Variants in MDM4 observed in about 807,000 individuals in gnomAD.
MDM4 encodes MDM4 regulator of p53.
Under a neutral mutation model 60.2 loss-of-function variants are expected in MDM4, and 2 were observed. The observed-to-expected ratio is 0.03, with a 90% confidence interval of 0.01 to 0.10. The LOEUF (loss-of-function observed/expected upper bound fraction) is 0.10. Ranked by LOEUF, MDM4 falls within the 10% of genes least tolerant of loss-of-function variation. The pLI is 1.00. For synonymous variants in MDM4, 202 were observed against 198.1 expected (o/e 1.02, Z -0.17); for missense variants, 447 against 577.5 (o/e 0.77, Z 2.32).
At chr1:204,537,627 A>C (rs1340945566) in intron 6 of MDM4, 130 bp downstream of exon 6, 1 of 690,868 alleles carries the variant, frequency 1.4e-6, no homozygotes, top group African/African-American at 1.8e-5. Flanking sequence ...TTGGGAGTTC[A>C]CAGACCAGGG....
intron 8 of MDM4, among the ~76,000 whole-genome samples, chr1:204,543,404 G>GC (rs1233150684): frequency 6.6e-6 from 1 of 152,168 alleles, no homozygotes; most frequent in African/African-American, 2.4e-5. Flanking sequence ...AACTGATTCA[G>GC]CCCCCTCCTT....
chr1:204,538,191 AC>A lies in MDM4; in HGVS notation c.412-16del, dbSNP rs536731861. ...AGTTATTTCTACTGCACTGATGGAC[AC>A]CTTTCCCTTCTTTCAGCAAAGTGCA... On this transcript the variant is annotated splice_polypyrimidine_tract_variant and intron_variant, in intron 6 of 10. Coordinates refer to ENST00000367182, the MANE Select transcript of MDM4 (RefSeq NM_002393.5). The A allele has an allele frequency of 3.3e-5, 47 of 1,429,112 alleles. 1 individual carries two copies. The South Asian group carries it at 5.2e-4, about 16-fold the overall frequency. 88.5% of individuals were successfully genotyped at this position (1,429,112 alleles called of 1,614,324 possible). A position where few individuals can be genotyped will look rare whatever the true frequency, so the allele number is the denominator to read the frequency against.
At position 204,550,435 on chromosome 1, in the gene MDM4, G is replaced by A. The variant is rs1663096632; in HGVS notation, c.*753G>A. On this transcript the variant is annotated 3_prime_UTR_variant, in exon 11 of 11. Transcript: ENST00000367182. ...CCGCCTCAGCCTTCCAAATTGCTGGGATTATAGTCATGAGGCACCTAGTCT... is the reference window on the plus strand; with the variant it reads ...CCGCCTCAGCCTTCCAAATTGCTGGAATTATAGTCATGAGGCACCTAGTCT... 4.8e-6 allele frequency: 1 copy of A among 207,698 alleles called. No homozygotes were observed. Among genetic ancestry groups the A allele is most frequent in the South Asian group, 1.9e-4 (1 of 5,296 alleles). 12.9% of individuals were successfully genotyped at this position (207,698 alleles called of 1,614,324 possible). A position where few individuals can be genotyped will look rare whatever the true frequency, so the allele number is the denominator to read the frequency against.
At chr1:204,519,561 T>G (rs953501235) in intron 1 of MDM4, among the ~76,000 whole-genome samples, 3 of 152,116 alleles carry the variant, frequency 2.0e-5, no homozygotes, top group South Asian at 2.1e-4. Context: ...TAAAGAACAT[T>G]GGCCTGGCAT....
In MDM4 at chr1:204,551,979, TAAAAAAAAA is replaced by T. The variant is rs35918019; in HGVS notation, c.*2309_*2317del. 7.4e-6 allele frequency: 1 copy of T among 135,754 alleles called. No homozygotes were observed. Among genetic ancestry groups the T allele is most frequent in the Non-Finnish European group, 1.5e-5 (1 of 66,762 alleles). 8.4% of individuals were successfully genotyped at this position (135,754 alleles called of 1,614,324 possible). On this transcript the variant is annotated 3_prime_UTR_variant, in exon 11 of 11. Transcript: ENST00000367182. ...CTAACACTAACAATAGCTGATGAGC[TAAAAAAAAA>T]AAAAAAAAAAATCGTGGACCGGGCG...
At chr1:204,526,334 G>A (rs1660145206) in intron 2 of MDM4, 26 bp from the exon 3 acceptor site, 2 of 1,576,808 alleles carry the variant, frequency 1.3e-6, no homozygotes, top group African/African-American at 1.3e-5. Flanking sequence ...AATGTAAATA[G>A]CACATTTATT....
intron 8 of MDM4, 25 bp downstream of exon 8, chr1:204,542,969 T>C (rs1279903028): frequency 3.1e-6 from 5 of 1,592,440 alleles, no homozygotes; most frequent in Non-Finnish European, 1.7e-6. Context: ...TGAAGGGAAG[T>C]GGTTTTTTTT....
In MDM4 at chr1:204,538,784, C is replaced by T. The variant is rs1384657310; in HGVS notation, c.511+476C>T. Among the ~76,000 whole-genome samples the T allele has an allele frequency of 4.0e-5, 6 of 150,812 alleles. No individual in the cohort carries two copies. The East Asian group carries it at 9.7e-4, about 24-fold the overall frequency. ...GCAGCAGTGCGATCTCAGCTCACTG[C>T]GACCTCCACCTCCTTGGTTCAAGTG... On this transcript the variant is annotated intron_variant, in intron 7 of 10. Transcript: ENST00000367182.
chr1:204,556,193 C>G lies in MDM4; in HGVS notation c.*6511C>G, dbSNP rs1663526220. ...CTGGATATTGCTTTTATACCAAAGA[C>G]CCTTATCAGCCCTTGTAACTACAGT... On this transcript the variant is annotated 3_prime_UTR_variant, in exon 11 of 11. Coordinates refer to ENST00000367182, the MANE Select transcript of MDM4 (RefSeq NM_002393.5). 4.4e-6 allele frequency: 1 copy of G among 225,456 alleles called. No individual in the cohort carries two copies. 14.0% of individuals were successfully genotyped at this position (225,456 alleles called of 1,614,324 possible). A position where few individuals can be genotyped will look rare whatever the true frequency, so the allele number is the denominator to read the frequency against.
At chr1:204,520,893 A>G (rs1659506573) in intron 1 of MDM4, among the ~76,000 whole-genome samples, 1 of 152,204 alleles carries the variant, frequency 6.6e-6, no homozygotes, top group Non-Finnish European at 1.5e-5. Context: ...TTATGAAAAT[A>G]AAAAGGTAAA....
chr1:204,536,367 A>C (rs1332754157), intron 5 of MDM4, among the ~76,000 whole-genome samples: 2 of 152,250 alleles, frequency 1.3e-5, no homozygotes, highest in Admixed American at 1.3e-4. Flanking sequence ...GTTTGTCCAC[A>C]AAAATGTTTC....
At chr1:204,523,867 G>A (rs994905648) in intron 1 of MDM4, among the ~76,000 whole-genome samples, 2 of 152,170 alleles carry the variant, frequency 1.3e-5, no homozygotes, top group Non-Finnish European at 2.9e-5. Context: ...CCTGACGCAG[G>A]TAGCCCCTAC....
rs991710406 is a variant in MDM4 at position 204,549,637 on chromosome 1, T to C, written c.1428T>C (p.Ile476=). The change falls in exon 11 of 11, where the codon ATT becomes ATC. Residue 476 remains isoleucine, a synonymous_variant. Transcript: ENST00000367182. The part of the protein sequence containing the change: ...RLKKAGASCP[I]CKKEIQLVIK... ...AGAAGGCTGGGGCTTCATGCCCTAT[T>C]TGCAAGAAAGAGATTCAGCTGGTTA... is the stretch of plus-strand genomic sequence containing the variant. 3.2e-6 allele frequency: 5 copies of C among 1,584,138 alleles called. No homozygotes were observed. Among genetic ancestry groups the C allele is most frequent in the South Asian group, 1.2e-5 (1 of 85,962 alleles).
intron 3 of MDM4, among the ~76,000 whole-genome samples, chr1:204,527,885 A>G (rs1002092899): frequency 6.6e-5 from 10 of 151,862 alleles, no homozygotes; most frequent in Non-Finnish European, 1.3e-4. Context: ...TTCGAACTTA[A>G]AACCTTCACA....
chr1:204,522,979 C>T (rs1659719316), intron 1 of MDM4, among the ~76,000 whole-genome samples: 1 of 151,490 alleles, frequency 6.6e-6, no homozygotes, highest in South Asian at 2.1e-4. Context: ...TCTCCTGCCT[C>T]AGCCTCCTGA....
intron 1 of MDM4, among the ~76,000 whole-genome samples, chr1:204,518,933 A>T (rs1298082586): frequency 2.6e-5 from 4 of 152,200 alleles, no homozygotes; most frequent in Non-Finnish European, 5.9e-5. Context: ...AAGTGCTGGG[A>T]TTACAGGTGT....
chr1:204,521,743 T>C (rs1450331594), intron 1 of MDM4, among the ~76,000 whole-genome samples: 2 of 152,216 alleles, frequency 1.3e-5, no homozygotes, highest in African/African-American at 4.8e-5. Flanking sequence ...ATAATTAATG[T>C]TTCTATCTAC....
Position 204,528,819 on chromosome 1 carries a change from A to C in MDM4, c.154-1865A>C, listed in dbSNP as rs1355278003. On this transcript the variant is annotated intron_variant, in intron 3 of 10. Transcript: ENST00000367182. ...GGAAGCCAGGAAAGGTCCCTGGTGC[A>C]CTCCACTCTCCACAGATGGGTTGGG... The C allele has an allele frequency of 2.1e-6, 3 of 1,433,786 alleles. No individual in the cohort carries two copies. The East Asian group carries it at 6.9e-5, about 33-fold the overall frequency. 88.8% of individuals were successfully genotyped at this position (1,433,786 alleles called of 1,614,324 possible).
intron 5 of MDM4, 50 bp downstream of exon 5, chr1:204,532,296 G>A: frequency 1.7e-6 from 2 of 1,202,274 alleles, no homozygotes; most frequent in South Asian, 2.6e-5. Flanking sequence ...TGAGTTCAAG[G>A]GGGCAAATGA....
Sources: allele counts gnomAD v4.1 joint callset (sites outside exome capture counted in the v4.1 genomes callset), GRCh38; gene constraint gnomAD v4.1.1; transcripts MANE v1.5; gene names NCBI Gene and HGNC (gene_info 2026-07-23, HGNC 2026-07-21).